Variants in TMTC2 observed in about 807,000 individuals in gnomAD.
TMTC2 encodes transmembrane O-mannosyltransferase targeting cadherins 2, also known as protein O-mannosyl-transferase TMTC2.
TMTC2 carries 43 observed loss-of-function variants against 82.4 expected under a neutral mutation model. The observed-to-expected ratio is 0.52, with a 90% CI of 0.41 to 0.67. The LOEUF (loss-of-function observed/expected upper bound fraction) is 0.67, where lower values mean the gene tolerates loss of function less well. TMTC2 is among the 30% of genes least tolerant of loss of function. TMTC2 has a pLI of 0.00. For synonymous variants in TMTC2, 408 were observed against 381.9 expected, an observed-to-expected ratio of 1.07 and a Z score of -0.80; for missense variants, 919 against 1,012.4, an observed-to-expected ratio of 0.91 and a Z score of 1.25.
At chr12:83,112,813 C>T (rs529177521) in intron 11 of TMTC2, among the ~76,000 whole-genome samples, 17 of 152,168 alleles carry the variant, frequency 1.1e-4, no homozygotes, top group African/African-American at 3.4e-4. Flanking sequence ...AATATTTGAT[C>T]GCTATTTCAA....
At chr12:82,916,670 C>T (rs1184539632) in intron 3 of TMTC2, among the ~76,000 whole-genome samples, 2 of 152,134 alleles carry the variant, frequency 1.3e-5, no homozygotes, top group East Asian at 3.9e-4. Context: ...GTGGATATTA[C>T]AGTATGCACA....
rs549035015 is a variant in TMTC2 at position 82,707,761 on chromosome 12, G to C, written c.83+20092G>C. Among the ~76,000 whole-genome samples, 17 of 152,334 alleles carry C rather than the reference G, an allele frequency of 1.1e-4. No homozygotes were observed. The South Asian group carries it at 3.5e-3, about 32-fold the overall frequency. ...CACCAACAGGAAACACACTCTGTTA[G>C]GAGGAAGGGCAAGGTATTCTTGGAA... is the stretch of plus-strand genomic sequence containing the variant. On this transcript the variant is annotated intron_variant, in intron 1 of 11. Transcript: ENST00000321196.
chr12:83,056,683 C>T (rs929574246), intron 10 of TMTC2, among the ~76,000 whole-genome samples: 1 of 151,900 alleles, frequency 6.6e-6, no homozygotes, highest in Non-Finnish European at 1.5e-5. Flanking sequence ...TTCCTTAACA[C>T]TTCCAAACTT....
chr12:82,783,290 CTGTGTGTGTGTGTGTGTG>C (rs72110651), intron 1 of TMTC2, among the ~76,000 whole-genome samples: 1 of 119,368 alleles, frequency 8.4e-6, no homozygotes, highest in South Asian at 3.1e-4. Flanking sequence ...GTATATGCCT[CTGTGTGTGTGTGTGTGTG>C]TGTGTGTGTG....
intron 4 of TMTC2, among the ~76,000 whole-genome samples, chr12:82,960,915 T>C (rs1440768716): frequency 6.6e-6 from 1 of 152,018 alleles, no homozygotes; most frequent in Non-Finnish European, 1.5e-5. Flanking sequence ...CTATGTCATT[T>C]TTAAACAGTC....
intron 1 of TMTC2, among the ~76,000 whole-genome samples, chr12:82,718,336 A>C (rs1873994222): frequency 6.6e-6 from 1 of 152,230 alleles, no homozygotes; most frequent in African/African-American, 2.4e-5. Context: ...GACATGAACT[A>C]ATATTAACTA....
Position 83,133,607 on chromosome 12 carries a change from T to A in TMTC2, c.*1218T>A, listed in dbSNP as rs1333897204. On this transcript the variant is annotated 3_prime_UTR_variant, in exon 12 of 12. Coordinates refer to ENST00000321196, the MANE Select transcript of TMTC2 (RefSeq NM_152588.3). ...TTCTCAGTTGAAAACTATTTTTCACTAGCAAAATTGGTATTTTATTTCATT... is the reference window on the plus strand; with the variant it reads ...TTCTCAGTTGAAAACTATTTTTCACAAGCAAAATTGGTATTTTATTTCATT... 6.6e-6 allele frequency: 1 copy of A among 152,250 alleles called. No individual in the cohort carries two copies. The highest frequency in any genetic ancestry group is 1.5e-5 in the Non-Finnish European group (1 of 68,044). The allele number at this position is 152,250 out of a possible 1,614,324, so 9.4% of individuals were successfully genotyped here. A position where few individuals can be genotyped will look rare whatever the true frequency, so the allele number is the denominator to read the frequency against.
At chr12:82,702,971 C>T (rs1873153255) in intron 1 of TMTC2, among the ~76,000 whole-genome samples, 1 of 151,960 alleles carries the variant, frequency 6.6e-6, no homozygotes, top group African/African-American at 2.4e-5. Flanking sequence ...GTGATTGTGC[C>T]ACTGCACTTC....
intron 4 of TMTC2, among the ~76,000 whole-genome samples, chr12:82,963,849 ATG>A (rs1565830383): frequency 9.5e-6 from 1 of 105,170 alleles, no homozygotes; most frequent in Non-Finnish European, 2.0e-5. Context: ...ATATATATAT[ATG>A]TGAAAGTGAT....
chr12:83,011,487 A>G (rs1403536272), intron 8 of TMTC2, among the ~76,000 whole-genome samples: 2 of 152,224 alleles, frequency 1.3e-5, no homozygotes, highest in Admixed American at 1.3e-4. Context: ...TAAGAATGAT[A>G]TTATTGTTAT....
At chr12:82,874,332 G>A (rs1411725934) in intron 2 of TMTC2, among the ~76,000 whole-genome samples, 1 of 152,112 alleles carries the variant, frequency 6.6e-6, no homozygotes, top group East Asian at 1.9e-4. Flanking sequence ...TTCCTAATAT[G>A]GGCATTTCTG....
At chr12:82,726,878 CAA>C (rs757515287) in intron 1 of TMTC2, among the ~76,000 whole-genome samples, 8 of 42,332 alleles carry the variant, frequency 1.9e-4, no homozygotes, top group African/African-American at 2.7e-4. Context: ...GACTCTGTCT[CAA>C]AAAAAAAAAA....
intron 11 of TMTC2, among the ~76,000 whole-genome samples, chr12:83,126,767 G>A (rs1885109848): frequency 2.0e-5 from 3 of 151,938 alleles, no homozygotes; most frequent in Admixed American, 2.0e-4. Flanking sequence ...GGAGAGTGAT[G>A]TTGAAAGTGA....
At chr12:82,736,287 T>G (rs1875120946) in intron 1 of TMTC2, among the ~76,000 whole-genome samples, 1 of 152,152 alleles carries the variant, frequency 6.6e-6, no homozygotes, top group Non-Finnish European at 1.5e-5. Flanking sequence ...TTAAAATAAT[T>G]ATTAGCAATT....
At chr12:82,733,957 G>A (rs1874960825) in intron 1 of TMTC2, among the ~76,000 whole-genome samples, 1 of 152,126 alleles carries the variant, frequency 6.6e-6, no homozygotes, top group Non-Finnish European at 1.5e-5. Context: ...GTAGGTGCAG[G>A]TCACTTCATT....
intron 8 of TMTC2, among the ~76,000 whole-genome samples, chr12:83,028,000 G>A (rs1237539493): frequency 6.6e-6 from 1 of 152,116 alleles, no homozygotes; most frequent in African/African-American, 2.4e-5. Context: ...TGTATAGACA[G>A]TGCTTTACTG....
rs1882819898 is a variant in TMTC2, at chr12:83,063,683, A to AATTTG, written c.2331+1853_2331+1857dup. 3.9e-5 allele frequency among the ~76,000 whole-genome samples: 6 copies of AATTTG among 151,914 alleles called. No individual in the cohort carries two copies. The South Asian group carries it at 1.2e-3, about 31-fold the overall frequency. Reference sequence around the variant, plus strand: ...TCTTAGAGAGGAAAGGCAAGCCAGAAATTTGGAAAACCTAAATAATGATAG... The same window carrying AATTTG: ...TCTTAGAGAGGAAAGGCAAGCCAGAAATTTGATTTGGAAAACCTAAATAATGATAG... On this transcript the variant is annotated intron_variant, in intron 11 of 11. Transcript: ENST00000321196.
chr12:82,862,627 A>G (rs916922479), intron 2 of TMTC2, among the ~76,000 whole-genome samples: 5 of 152,206 alleles, frequency 3.3e-5, no homozygotes, highest in Non-Finnish European at 5.9e-5. Flanking sequence ...CTCTGTTTCA[A>G]TAAATAATAT....
intron 8 of TMTC2, among the ~76,000 whole-genome samples, chr12:83,012,154 A>T (rs1018676727): frequency 6.6e-6 from 1 of 152,222 alleles, no homozygotes; most frequent in African/African-American, 2.4e-5. Flanking sequence ...AATGAAAGCT[A>T]GTCTAGTGTA....
Sources: allele counts gnomAD v4.1 joint callset (sites outside exome capture counted in the v4.1 genomes callset), GRCh38; gene constraint gnomAD v4.1.1; transcripts MANE v1.5; gene names NCBI Gene and HGNC (gene_info 2026-07-23, HGNC 2026-07-21).